Variants in CREB5 observed in about 807,000 individuals in gnomAD.
CREB5 encodes cyclic AMP-responsive element-binding protein 5.
In CREB5, 19 loss-of-function variants were observed where a neutral mutation model predicts 57.1. The ratio of observed to expected loss-of-function variants is 0.33; its 90% confidence interval spans 0.23 to 0.49. The LOEUF is 0.49. CREB5 is among the 20% of genes least tolerant of loss of function. The probability of loss-of-function intolerance (pLI) is 0.99; values close to 1 mark genes in which losing one functional copy is unlikely to be tolerated. For missense variants in CREB5, 579 were observed against 671.6 expected (o/e 0.86, Z 1.52); for synonymous variants, 238 against 238.3 (o/e 1.00, Z 0.01).
At position 28,686,263 on chromosome 7, in the gene CREB5, T is replaced by C. The variant is rs1800898138; in HGVS notation, c.465-32490T>C. On this transcript the variant is annotated intron_variant, in intron 5 of 10. Coordinates refer to ENST00000357727, the MANE Select transcript of CREB5 (RefSeq NM_182898.4). The stretch of plus-strand genomic sequence containing the variant: ...GATTTTTTTTGCCCCTACTGCCTTC[T>C]GTTTTTGAGCCTTCGTCCTCCTCCT... 4 of 1,251,690 alleles carry C rather than the reference T, an allele frequency of 3.2e-6. No individual in the cohort carries two copies. The South Asian group carries it at 3.6e-5, about 11-fold the overall frequency. The allele number at this position is 1,251,690 out of a possible 1,614,324, so 77.5% of individuals were successfully genotyped here.
chr7:28,673,114 G>C (rs903179643), intron 5 of CREB5, among the ~76,000 whole-genome samples: 3 of 152,166 alleles, frequency 2.0e-5, no homozygotes, highest in African/African-American at 7.2e-5. Context: ...GATTTACCCA[G>C]AGTAATACAA....
At chr7:28,376,332 G>T (rs562891707) in intron 1 of CREB5, among the ~76,000 whole-genome samples, 1 of 148,566 alleles carries the variant, frequency 6.7e-6, no homozygotes, top group African/African-American at 2.5e-5. Context: ...GCAGTGGTGC[G>T]ATCTCATCTC....
chr7:28,563,261 G>A (rs1795348047), intron 4 of CREB5, among the ~76,000 whole-genome samples: 2 of 152,158 alleles, frequency 1.3e-5, no homozygotes, highest in South Asian at 4.1e-4. Context: ...AAGGAAAGAA[G>A]TACATTTTTG....
At chr7:28,415,190 T>C (rs758917) in intron 1 of CREB5, among the ~76,000 whole-genome samples, 59,456 of 151,964 alleles carry the variant, frequency 0.39, 13,627 homozygotes, top group African/African-American at 0.64. Context: ...GAGGGAGTTC[T>C]TTTAGGCCTA....
At chr7:28,787,214 T>C (rs1807381112) in intron 7 of CREB5, among the ~76,000 whole-genome samples, 1 of 152,222 alleles carries the variant, frequency 6.6e-6, no homozygotes, top group African/African-American at 2.4e-5. Context: ...ACACTGTCTC[T>C]GTGGCTCCTG....
chr7:28,747,978 A>G (rs566948621), intron 7 of CREB5, among the ~76,000 whole-genome samples: 2 of 152,254 alleles, frequency 1.3e-5, no homozygotes, highest in South Asian at 2.1e-4. Context: ...CTCCATTCCC[A>G]TAGGAGGAAA....
intron 1 of CREB5, among the ~76,000 whole-genome samples, chr7:28,394,436 T>C (rs1427903934): frequency 2.0e-5 from 3 of 152,126 alleles, no homozygotes; most frequent in Non-Finnish European, 2.9e-5. Context: ...CTATATGCTG[T>C]CTACAAGAAC....
chr7:28,488,062 T>C (rs1583526786), intron 1 of CREB5, 113 bp from the exon 2 acceptor site: 1 of 834,160 alleles, frequency 1.2e-6, no homozygotes, highest in East Asian at 2.5e-5. Context: ...CTAATTTTGG[T>C]ATTGGCATAG....
At chr7:28,346,292 A>C (rs1015172513) in intron 1 of CREB5, among the ~76,000 whole-genome samples, 1 of 152,224 alleles carries the variant, frequency 6.6e-6, no homozygotes, top group African/African-American at 2.4e-5. Context: ...AGATCAAGGC[A>C]TCCACAGATT....
intron 5 of CREB5, among the ~76,000 whole-genome samples, chr7:28,611,291 A>G (rs1441841992): frequency 6.6e-6 from 1 of 151,982 alleles, no homozygotes; most frequent in Non-Finnish European, 1.5e-5. Context: ...AAAGATGTTC[A>G]TGAATCAACC....
At chr7:28,390,267 T>C (rs560369268) in intron 1 of CREB5, among the ~76,000 whole-genome samples, 1 of 152,310 alleles carries the variant, frequency 6.6e-6, no homozygotes, top group Admixed American at 6.5e-5. Flanking sequence ...ATTGCTCTGC[T>C]GTGTGAAAGC....
intron 7 of CREB5, among the ~76,000 whole-genome samples, chr7:28,755,583 T>C (rs1253141388): frequency 3.3e-5 from 5 of 152,128 alleles, no homozygotes; most frequent in African/African-American, 1.2e-4. Context: ...CACGATGAAA[T>C]CAGTTTTTTT....
intron 4 of CREB5, among the ~76,000 whole-genome samples, chr7:28,550,927 C>A (rs1794613536): frequency 6.6e-6 from 1 of 152,126 alleles, no homozygotes; most frequent in Non-Finnish European, 1.5e-5. Context: ...AAAAACAACG[C>A]CGGCTGAAGG....
chr7:28,620,886 T>C (rs867607594), intron 5 of CREB5, among the ~76,000 whole-genome samples: 9 of 152,278 alleles, frequency 5.9e-5, no homozygotes, highest in Middle Eastern at 3.4e-3. Flanking sequence ...AATAAAGGAA[T>C]ACTTGCTGGA....
At chr7:28,803,105 T>A (rs1808468196) in intron 7 of CREB5, among the ~76,000 whole-genome samples, 1 of 152,256 alleles carries the variant, frequency 6.6e-6, no homozygotes, top group Non-Finnish European at 1.5e-5. Flanking sequence ...TACAAGTTAT[T>A]TGTGTGCATG....
chr7:28,332,582 C>T (rs56255602), intron 1 of CREB5, among the ~76,000 whole-genome samples: 1 of 152,174 alleles, frequency 6.6e-6, no homozygotes, highest in East Asian at 1.9e-4. Context: ...ACCTTCCCGT[C>T]TCCTCACACC....
intron 5 of CREB5, among the ~76,000 whole-genome samples, chr7:28,692,402 G>C (rs531372857): frequency 2.0e-5 from 3 of 152,310 alleles, no homozygotes; most frequent in Admixed American, 2.0e-4. Flanking sequence ...TTCAAGACCA[G>C]CCTGGCCAAT....
At chr7:28,348,394 TCTGTCTCTCTCTCTCACA>T (rs910072956) in intron 1 of CREB5, among the ~76,000 whole-genome samples, 4 of 113,800 alleles carry the variant, frequency 3.5e-5, no homozygotes, top group African/African-American at 1.3e-4. Context: ...TCTCTCTCTC[TCTGTCTCTCTCTCTCACA>T]CACACACACA....
chr7:28,454,733 A>G (rs1033438610), intron 1 of CREB5, among the ~76,000 whole-genome samples: 4 of 152,168 alleles, frequency 2.6e-5, no homozygotes, highest in African/African-American at 9.7e-5. Context: ...TATTATTTCT[A>G]TGGGTGCTAT....
Sources: allele counts gnomAD v4.1 joint callset (sites outside exome capture counted in the v4.1 genomes callset), GRCh38; gene constraint gnomAD v4.1.1; transcripts MANE v1.5; gene names NCBI Gene and HGNC (gene_info 2026-07-23, HGNC 2026-07-21).